KHDRBS1: variants seen among roughly 807,000 people sequenced by gnomAD.
The protein encoded by KHDRBS1 is KH RNA binding domain containing, signal transduction associated 1.
Under a neutral mutation model 48.4 loss-of-function variants are expected in KHDRBS1, and 7 were observed. That is an observed-to-expected ratio of 0.14 (90% CI 0.08 to 0.27). The LOEUF (loss-of-function observed/expected upper bound fraction) is 0.27. Among genes scored for constraint, KHDRBS1 ranks in the 10% least tolerant of loss-of-function variants. The pLI is 1.00. For synonymous variants in KHDRBS1, 241 were observed against 235.8 expected, an observed-to-expected ratio of 1.02 and a Z score of -0.20; for missense variants, 458 against 601.2, an observed-to-expected ratio of 0.76 and a Z score of 2.49.
Position 32,036,983 on chromosome 1 carries a change from G to C in KHDRBS1, c.845G>C (p.Arg282Pro), listed in dbSNP as rs748574978. Residue 282 changes from arginine to proline, a missense_variant, in exon 5 of 9, where the codon CGT becomes CCT. Arg to Pro is a moderately radical substitution (Grantham distance 103). This residue lies in a region of KHDRBS1 where 171 missense variants were observed against 228.7 expected (regional missense o/e 0.75). Coordinates refer to ENST00000327300, the MANE Select transcript of KHDRBS1 (RefSeq NM_006559.3). ...SYLNGVPEPS[R>P]GRGVPVRGRG... ...TTGAATGGAGTACCTGAACCCTCTC[G>C]TGGACGTGGGGTGCCAGTGAGAGGC... 5 of 1,614,076 alleles carry C rather than the reference G, an allele frequency of 3.1e-6. No homozygotes were observed. Among genetic ancestry groups the C allele is most frequent in the South Asian group, 1.1e-5 (1 of 91,076 alleles).
intron 1 of KHDRBS1, among the ~76,000 whole-genome samples, chr1:32,025,927 ATATTTATTTATT>A (rs577439542): frequency 9.6e-5 from 14 of 146,516 alleles, no homozygotes; most frequent in East Asian, 4.0e-4. Flanking sequence ...ATATATATAT[ATATTTATTTATT>A]TATTTATTTA....
At chr1:32,046,139 A>G (rs555854459), downstream of KHDRBS1, among the ~76,000 whole-genome samples, 2 of 151,990 alleles carry the variant, frequency 1.3e-5, no homozygotes, top group East Asian at 3.9e-4. Context: ...AAAACCTGTC[A>G]TCTTAATCCT....
At chr1:32,028,024 G>A (rs2124372003) in intron 1 of KHDRBS1, among the ~76,000 whole-genome samples, 1 of 152,350 alleles carries the variant, frequency 6.6e-6, no homozygotes, top group African/African-American at 2.4e-5. Context: ...GGCTGAGGCA[G>A]GAGAATCGCT....
chr1:32,014,127 C>T lies in KHDRBS1; in HGVS notation c.132C>T (p.Ser44=). ...GGCAGCCGCCGCTGCCTCACCGGTC[C>T]CGGGGAGGCGGAGGGGGATCCCGCG... The part of the protein sequence containing the change: ...PSRQPPLPHR[S]RGGGGGSRGG... Residue 44 remains serine, a synonymous_variant, in exon 1 of 9, where the codon TCC becomes TCT. Transcript: ENST00000327300. The T allele has an allele frequency of 7.3e-7, 1 of 1,371,534 alleles. No individual in the cohort carries two copies. Among genetic ancestry groups the T allele is most frequent in the Admixed American group, 3.6e-5 (1 of 27,768 alleles). 85.0% of individuals were successfully genotyped at this position (1,371,534 alleles called of 1,614,324 possible).
At chr1:32,041,276 G>A (rs1335103323) in intron 8 of KHDRBS1, among the ~76,000 whole-genome samples, 1 of 152,184 alleles carries the variant, frequency 6.6e-6, no homozygotes, top group Non-Finnish European at 1.5e-5. Context: ...GTTATACTAG[G>A]GGTATAATTA....
chr1:32,031,475 G>A lies in KHDRBS1; in HGVS notation c.508-49G>A, dbSNP rs369355024. 9 of 1,170,592 alleles carry A rather than the reference G, an allele frequency of 7.7e-6. No individual in the cohort carries two copies. The African/African-American group carries it at 1.4e-4, about 18-fold the overall frequency. 72.5% of individuals were successfully genotyped at this position (1,170,592 alleles called of 1,614,324 possible). On this transcript the variant is annotated intron_variant, in intron 2 of 8. Transcript: ENST00000327300. ...CAAGTGAGGTAATTTATGTGGAAAT[G>A]TTTTTATATAGTAGCATGTATATTT... is the stretch of plus-strand genomic sequence containing the variant.
Position 32,038,628 on chromosome 1 carries a change from G to A in KHDRBS1, c.1175+9G>A, listed in dbSNP as rs368589971. 4.3e-6 allele frequency: 7 copies of A among 1,613,676 alleles called. No individual in the cohort carries two copies. Among genetic ancestry groups the A allele is most frequent in the South Asian group, 2.2e-5 (2 of 91,056 alleles). ...TACAGCCAGAGTCAAGGGTGAGTCA[G>A]GCAGTATAAGCACTGTTTTTTGTCC... On this transcript the variant is annotated intron_variant, in intron 7 of 8. Transcript: ENST00000327300.
intron 1 of KHDRBS1, among the ~76,000 whole-genome samples, chr1:32,016,779 A>G (rs532091003): frequency 2.0e-5 from 3 of 152,224 alleles, no homozygotes; most frequent in East Asian, 1.9e-4. Context: ...TATGTACAGT[A>G]TTTGTTTGTT....
intron 3 of KHDRBS1, among the ~76,000 whole-genome samples, chr1:32,032,162 C>T (rs1291839622): frequency 2.0e-5 from 3 of 151,998 alleles, no homozygotes; most frequent in Non-Finnish European, 4.4e-5. Context: ...TCTAATGCGT[C>T]TTTTTTTTCC....
At chr1:32,058,116 C>CAA (rs201930047) in intron 10 of KHDRBS1, among the ~76,000 whole-genome samples, 42 of 132,530 alleles carry the variant, frequency 3.2e-4, no homozygotes, top group African/African-American at 7.2e-4. Context: ...GAAACTGTCT[C>CAA]AAAAAAAAAA....
intron 10 of KHDRBS1, among the ~76,000 whole-genome samples, chr1:32,056,289 G>A (rs1193248873): frequency 1.3e-5 from 2 of 151,950 alleles, no homozygotes; most frequent in Admixed American, 1.3e-4. Context: ...GGGCAAATTG[G>A]GGGTGGGGGC....
At chr1:32,035,797 A>G (rs1414330944) in intron 4 of KHDRBS1, among the ~76,000 whole-genome samples, 1 of 152,214 alleles carries the variant, frequency 6.6e-6, no homozygotes, top group African/African-American at 2.4e-5. Flanking sequence ...AAGAGCTTAC[A>G]GTTTAGTGAC....
intron 1 of KHDRBS1, among the ~76,000 whole-genome samples, chr1:32,015,869 T>G (rs1202647826): frequency 6.6e-6 from 1 of 152,168 alleles, no homozygotes; most frequent in Non-Finnish European, 1.5e-5. Flanking sequence ...AGAATAGTAG[T>G]ATTTAAGCTC....
intron 10 of KHDRBS1, chr1:32,054,419 A>G (rs554099011): frequency 5.3e-5 from 8 of 152,088 alleles, no homozygotes; most frequent in East Asian, 1.9e-4. Flanking sequence ...AAGGAGACTC[A>G]TCTCTCCTGT....
chr1:32,045,757 G>A (rs765946646), downstream of KHDRBS1, among the ~76,000 whole-genome samples: 1 of 152,208 alleles, frequency 6.6e-6, no homozygotes, highest in Non-Finnish European at 1.5e-5. Context: ...AAAAAATCTG[G>A]TGTGGGAACT....
intron 3 of KHDRBS1, among the ~76,000 whole-genome samples, chr1:32,031,845 A>G (rs1310285917): frequency 6.6e-6 from 1 of 152,186 alleles, no homozygotes; most frequent in Non-Finnish European, 1.5e-5. Context: ...TGCCCTGGTG[A>G]TAGTTTTCTT....
downstream of KHDRBS1, among the ~76,000 whole-genome samples, chr1:32,046,933 A>G (rs1639364745): frequency 2.0e-5 from 3 of 152,206 alleles, no homozygotes; most frequent in South Asian, 6.2e-4. Context: ...AGCGTGGGGA[A>G]TCCCTGAATG....
Position 32,042,698 on chromosome 1 carries a change from T to C in KHDRBS1, c.*74T>C. The C allele has an allele frequency of 1.1e-6, 1 of 917,066 alleles. No individual in the cohort carries two copies. Among genetic ancestry groups the C allele is most frequent in the Non-Finnish European group, 1.8e-6 (1 of 568,264 alleles). The allele number at this position is 917,066 out of a possible 1,614,324, so 56.8% of individuals were successfully genotyped here. On this transcript the variant is annotated 3_prime_UTR_variant, in exon 9 of 9. Transcript: ENST00000327300. ...TTTCTTGTATCTCCCAGGATTCCTG[T>C]TGCTTTACCCACAACAGACAAGTAA...
chr1:32,048,429 G>C (rs1420967710), downstream of KHDRBS1, among the ~76,000 whole-genome samples: 1 of 152,166 alleles, frequency 6.6e-6, no homozygotes, highest in Non-Finnish European at 1.5e-5. Flanking sequence ...AGGATCACTT[G>C]AGTCGAGGAG....
Sources: allele counts gnomAD v4.1 joint callset (sites outside exome capture counted in the v4.1 genomes callset), GRCh38; gene constraint gnomAD v4.1.1; regional missense constraint gnomAD v4.1.1; transcripts MANE v1.5; gene names NCBI Gene and HGNC (gene_info 2026-07-23, HGNC 2026-07-21).